The following RASA2 variants were observed in gnomAD, a reference collection of about 807,000 sequenced individuals.
RASA2 encodes RAS p21 protein activator 2, also known as ras GTPase-activating protein 2.
A neutral mutation model predicts 118.2 loss-of-function variants in RASA2; 155 were observed. The ratio of observed to expected loss-of-function variants is 1.31; its 90% CI spans 1.15 to 1.50. RASA2 has a LOEUF of 1.50. Ranked by LOEUF, RASA2 falls within the 40% of genes most tolerant of loss-of-function variation. The pLI is 0.00. For missense variants in RASA2, 1,016 were observed against 1,009.6 expected, an observed-to-expected ratio of 1.01 and a Z score of -0.09; for synonymous variants, 353 against 349.1, an observed-to-expected ratio of 1.01 and a Z score of -0.12.
intron 19 of RASA2, among the ~76,000 whole-genome samples, chr3:141,593,390 A>G (rs892514624): frequency 6.6e-6 from 1 of 152,058 alleles, no homozygotes; most frequent in Non-Finnish European, 1.5e-5. Flanking sequence ...AAGCACTCCC[A>G]GTCTAGCCAG....
chr3:141,608,076 GTAATACAGTCCCAAGC>G (rs372911674), intron 20 of RASA2, among the ~76,000 whole-genome samples: 3,198 of 152,210 alleles, frequency 0.021, 137 homozygotes, highest in African/African-American at 0.073. Flanking sequence ...AAGTTTCTAA[GTAATACAGTCCCAAGC>G]TATCTGTCCA....
chr3:141,513,702 T>A (rs1050754984), intron 2 of RASA2, among the ~76,000 whole-genome samples: 1 of 152,216 alleles, frequency 6.6e-6, no homozygotes, highest in Non-Finnish European at 1.5e-5. Context: ...CCAGGCATTT[T>A]AACAACTAAA....
At chr3:141,558,025 T>C (rs79070378) in intron 7 of RASA2, among the ~76,000 whole-genome samples, 1 of 152,162 alleles carries the variant, frequency 6.6e-6, no homozygotes, top group South Asian at 2.1e-4. Flanking sequence ...TTTGTTTATA[T>C]AAACAGCCAA....
intron 4 of RASA2, among the ~76,000 whole-genome samples, chr3:141,531,473 T>C (rs1377680631): frequency 6.6e-6 from 1 of 151,530 alleles, no homozygotes; most frequent in Non-Finnish European, 1.5e-5. Flanking sequence ...TGTATATATA[T>C]GCATATATAT....
In RASA2 at chr3:141,559,924, C is replaced by T. The variant is rs771687765; in HGVS notation, c.792C>T (p.Val264=). 8.7e-6 allele frequency: 14 copies of T among 1,613,140 alleles called. No individual in the cohort carries two copies. Among genetic ancestry groups the T allele is most frequent in the East Asian group, 2.2e-5 (1 of 44,766 alleles). ...RIDLWNNGNL[V]QDVFLGEIKV... is the part of the protein sequence containing the mutation. ...ACTTGTGGAACAATGGAAACCTAGT[C>T]CAAGATGTTTTCCTAGGTGAGATTA... The change falls in exon 9 of 24, where the codon GTC becomes GTT. Residue 264 remains valine, a synonymous_variant. Coordinates refer to ENST00000286364, the MANE Select transcript of RASA2 (RefSeq NM_006506.5).
intron 1 of RASA2, among the ~76,000 whole-genome samples, chr3:141,510,579 AG>A (rs1202838993): frequency 6.6e-6 from 1 of 152,254 alleles, no homozygotes; most frequent in African/African-American, 2.4e-5. Flanking sequence ...AACAAAATGG[AG>A]AAATAGAATA....
intron 19 of RASA2, among the ~76,000 whole-genome samples, chr3:141,589,796 G>A (rs967828290): frequency 9.2e-5 from 14 of 151,524 alleles, no homozygotes; most frequent in Non-Finnish European, 1.2e-4. Flanking sequence ...AGCCAAGATC[G>A]CGCCACTGCA....
chr3:141,514,083 A>G (rs1468444970), intron 2 of RASA2, among the ~76,000 whole-genome samples: 3 of 152,318 alleles, frequency 2.0e-5, no homozygotes, highest in East Asian at 1.9e-4. Flanking sequence ...GATTTTATCA[A>G]ACTTAGAGGC....
intron 18 of RASA2, among the ~76,000 whole-genome samples, chr3:141,586,439 A>G (rs181150115): frequency 4.0e-4 from 61 of 152,354 alleles, no homozygotes; most frequent in Admixed American, 1.3e-3. Context: ...TCTGTATAGT[A>G]CAATTAAAAA....
intron 4 of RASA2, among the ~76,000 whole-genome samples, chr3:141,537,775 A>G (rs1221039503): frequency 3.3e-5 from 5 of 152,180 alleles, no homozygotes; most frequent in Non-Finnish European, 7.3e-5. Flanking sequence ...TCTCAAAGAA[A>G]AAAAAAGCAA....
chr3:141,571,329 C>T, intron 10 of RASA2, 77 bp from the exon 11 acceptor site: 1 of 1,518,132 alleles, frequency 6.6e-7, no homozygotes, highest in Non-Finnish European at 8.9e-7. Flanking sequence ...ATTTCAGTTA[C>T]TTTTACAGGC....
At chr3:141,501,275 T>C (rs759184406) in intron 1 of RASA2, among the ~76,000 whole-genome samples, 6 of 152,330 alleles carry the variant, frequency 3.9e-5, no homozygotes, top group Non-Finnish European at 8.8e-5. Context: ...AACAAAGGAC[T>C]CATTTTAAAC....
Position 141,582,769 on chromosome 3 carries a change from A to G in RASA2, c.1752+1592A>G, listed in dbSNP as rs546133398. On this transcript the variant is annotated intron_variant, in intron 17 of 23. Transcript: ENST00000286364. ...GATATGTGCAGTGCTATAAAGTGTA[A>G]AAGCTTGTGAAGCTCAATTTCTCAT... Among the ~76,000 whole-genome samples the G allele has an allele frequency of 4.8e-3, 730 of 152,324 alleles. 8 individuals carry two copies. Among genetic ancestry groups the G allele is most frequent in the African/African-American group, 0.017 (693 of 41,572 alleles).
At chr3:141,602,388 A>G (rs1047332083) in intron 19 of RASA2, among the ~76,000 whole-genome samples, 2 of 152,124 alleles carry the variant, frequency 1.3e-5, no homozygotes, top group Non-Finnish European at 2.9e-5. Context: ...TCGTTTCACA[A>G]TAGGATTTGC....
intron 14 of RASA2, among the ~76,000 whole-genome samples, chr3:141,574,436 G>A (rs1002026975): frequency 7.2e-5 from 11 of 152,162 alleles, no homozygotes; most frequent in African/African-American, 2.6e-4. Flanking sequence ...TGATCCGCCC[G>A]CCTCGGCCTC....
At chr3:141,532,093 T>C (rs2082268434) in intron 4 of RASA2, among the ~76,000 whole-genome samples, 1 of 152,102 alleles carries the variant, frequency 6.6e-6, no homozygotes. Flanking sequence ...AGCACAGTAC[T>C]AAGTACTTAA....
Position 141,516,416 on chromosome 3 carries a change from A to G in RASA2, c.340A>G (p.Arg114Gly). 1 of 1,549,832 alleles carries G rather than the reference A, an allele frequency of 6.5e-7. No individual in the cohort carries two copies. Among genetic ancestry groups the G allele is most frequent in the Non-Finnish European group, 8.7e-7 (1 of 1,147,956 alleles). Residue 114 changes from arginine (R) to glycine (G), a missense_variant, in exon 3 of 24, where the codon AGA becomes GGA. By Grantham distance (125) the Arg-to-Gly change is moderately radical. This residue lies in a region of RASA2 where 896 missense variants were observed against 836.4 expected (regional missense o/e 1.07). Coordinates refer to ENST00000286364, the MANE Select transcript of RASA2 (RefSeq NM_006506.5). The part of the protein sequence containing the change: ...FYVYDKNVLQ[R>G]DLRIGKVAIK... ...TGTTTATGATAAGAATGTTTTACAA[A>G]GAGATCTCCGTATAGGTATGTACTA...
At position 141,512,296 on chromosome 3, in the gene RASA2, T is replaced by A; in HGVS notation, c.251+16T>A. On this transcript the variant is annotated intron_variant, in intron 2 of 23. Transcript: ENST00000286364. ...AATCTTTAAGGTTGGTAGAAAAAAT[T>A]GGTAAATTATAATTTTTACTATATA... 1 of 1,505,306 alleles carries A rather than the reference T, an allele frequency of 6.6e-7. No individual in the cohort carries two copies. Among genetic ancestry groups the A allele is most frequent in the Admixed American group, 2.0e-5 (1 of 49,200 alleles). 93.2% of individuals were successfully genotyped at this position (1,505,306 alleles called of 1,614,324 possible). A position where few individuals can be genotyped will look rare whatever the true frequency, so the allele number is the denominator to read the frequency against.
intron 4 of RASA2, among the ~76,000 whole-genome samples, chr3:141,535,517 G>A (rs1010916559): frequency 2.0e-5 from 3 of 152,132 alleles, no homozygotes; most frequent in African/African-American, 4.8e-5. Context: ...GTCCATTTTT[G>A]TGTTGCTATA....
Sources: gnomAD v4.1 joint callset for allele counts (sites outside exome capture counted in the v4.1 genomes callset) on GRCh38, gnomAD v4.1.1 for gene constraint, gnomAD v4.1.1 regional missense constraint, MANE v1.5 for transcripts, NCBI Gene and HGNC (gene_info 2026-07-23, HGNC 2026-07-21) for gene names.